The following EHMT1 variants were observed in gnomAD, a reference collection of about 807,000 sequenced individuals.
EHMT1 encodes euchromatic histone lysine methyltransferase 1, also known as histone-lysine N-methyltransferase EHMT1.
Under a neutral mutation model 147.2 loss-of-function variants are expected in EHMT1, and 15 were observed. The observed-to-expected ratio is 0.10, with a 90% CI of 0.07 to 0.16. The LOEUF (loss-of-function observed/expected upper bound fraction) is 0.16. EHMT1 is among the 10% of genes least tolerant of loss of function. The probability of loss-of-function intolerance (pLI) is 1.00; values close to 1 mark genes in which losing one functional copy is unlikely to be tolerated. For missense variants in EHMT1, 1,587 were observed against 1,772.4 expected (o/e 0.90, Z 1.88); for synonymous variants, 795 against 709.6 (o/e 1.12, Z -1.91).
chr9:137,764,599 C>T (rs1265838818), intron 10 of EHMT1: 1 of 152,218 alleles, frequency 6.6e-6, no homozygotes, highest in African/African-American at 2.4e-5. Flanking sequence ...CAAAAATGGA[C>T]CATTGTCTCA....
rs114711182 is a variant in EHMT1, at chr9:137,700,482, G to T, written c.22-10485G>T. On this transcript the variant is annotated intron_variant, in intron 1 of 26. Transcript: ENST00000460843. Reference sequence around the variant, plus strand: ...GACAATATATTAAAGTGGGCATTCGGAAGAAGACAATGTTGTTTTCTAGAA... The same window carrying T: ...GACAATATATTAAAGTGGGCATTCGTAAGAAGACAATGTTGTTTTCTAGAA... 9.7e-3 allele frequency among the ~76,000 whole-genome samples: 1,484 copies of T among 152,308 alleles called. 27 individuals carry two copies. Among genetic ancestry groups the T allele is most frequent in the African/African-American group, 0.034 (1,426 of 41,550 alleles).
chr9:137,777,831 A>G (rs1448108182), intron 12 of EHMT1, 51 bp from the exon 13 acceptor site: 2 of 1,606,866 alleles, frequency 1.2e-6, no homozygotes, highest in East Asian at 2.2e-5. Flanking sequence ...GAGTCGGAAC[A>G]GGCCATGTTT....
intron 22 of EHMT1, chr9:137,814,863 G>A: frequency 2.3e-6 from 1 of 442,194 alleles, no homozygotes; most frequent in African/African-American, 2.0e-5. Flanking sequence ...TGAGGGGTGT[G>A]AAGAGGGAGG....
intron 1 of EHMT1, among the ~76,000 whole-genome samples, chr9:137,668,917 C>T (rs753026643): frequency 1.3e-5 from 2 of 152,142 alleles, no homozygotes; most frequent in African/African-American, 2.4e-5. Flanking sequence ...GACGGAGTCT[C>T]GCTCTGTCCC....
chr9:137,784,103 C>A, intron 15 of EHMT1: 1 of 1,321,304 alleles, frequency 7.6e-7, no homozygotes, highest in Non-Finnish European at 1.1e-6. Context: ...TTATTTCTCA[C>A]AGTTCTGCAG....
intron 1 of EHMT1, among the ~76,000 whole-genome samples, chr9:137,689,623 A>G (rs1367613556): frequency 6.6e-6 from 1 of 152,324 alleles, no homozygotes; most frequent in East Asian, 1.9e-4. Context: ...GATTGGCTTG[A>G]ACCTGGGAGA....
intron 1 of EHMT1, among the ~76,000 whole-genome samples, chr9:137,643,273 C>T (rs1317535389): frequency 2.0e-5 from 3 of 149,922 alleles, no homozygotes; most frequent in Admixed American, 6.7e-5. Flanking sequence ...GTGATGAACT[C>T]TCTACTTTTG....
rs911275333 is a variant in EHMT1, at chr9:137,828,485, G to A, written c.3541-5864G>A. Among the ~76,000 whole-genome samples the A allele has an allele frequency of 6.6e-6, 1 of 151,860 alleles. No homozygotes were observed. The highest frequency in any genetic ancestry group is 2.4e-5 in the African/African-American group (1 of 41,312). On this transcript the variant is annotated intron_variant, in intron 25 of 26. Transcript: ENST00000460843. This position sits in a 1 kb window ranked among gnomAD's most constrained non-coding sequence, Gnocchi z 5.3. ...GAGGCCAAGCAGAGCACAGGGTCTC[G>A]AGACCCCATGACCTCTAGGGTCACG... is the stretch of plus-strand genomic sequence containing the variant.
chr9:137,687,048 G>T (rs1942517157), intron 1 of EHMT1, among the ~76,000 whole-genome samples: 1 of 152,220 alleles, frequency 6.6e-6, no homozygotes, highest in Non-Finnish European at 1.5e-5. Flanking sequence ...TCTTTTGCAT[G>T]TGGTAATCCA....
intron 25 of EHMT1, among the ~76,000 whole-genome samples, chr9:137,822,895 G>GA (rs112878891): frequency 0.018 from 2,263 of 127,974 alleles, 26 homozygotes; most frequent in South Asian, 0.033. Flanking sequence ...ACTTCATCTC[G>GA]AAAAAAAAAA....
intron 1 of EHMT1, among the ~76,000 whole-genome samples, chr9:137,702,976 G>T (rs1017294578): frequency 6.6e-6 from 1 of 152,222 alleles, no homozygotes; most frequent in African/African-American, 2.4e-5. Flanking sequence ...CTAGGTGGAG[G>T]CTCCCAAGCC....
chr9:137,825,690 A>G (rs12350256), intron 25 of EHMT1, among the ~76,000 whole-genome samples: 22,592 of 152,052 alleles, frequency 0.15, 5,480 homozygotes, highest in African/African-American at 0.51. Flanking sequence ...GGTTTTTAAA[A>G]TTAACTCTTT....
chr9:137,685,160 A>G (rs964957060), intron 1 of EHMT1: 2 of 152,168 alleles, frequency 1.3e-5, no homozygotes, highest in Non-Finnish European at 2.9e-5. Context: ...GTACCTTCAC[A>G]GTGTTGCATA....
intron 3 of EHMT1, among the ~76,000 whole-genome samples, chr9:137,723,586 C>T (rs895915202): frequency 1.7e-4 from 25 of 150,332 alleles, no homozygotes; most frequent in African/African-American, 5.1e-4. Context: ...GGCCTGAGCT[C>T]GGGGTGTGTC....
chr9:137,728,200 T>G (rs193160945), intron 3 of EHMT1, 149 bp from the exon 4 acceptor site: 12 of 1,153,458 alleles, frequency 1.0e-5, no homozygotes, highest in East Asian at 2.4e-5. Flanking sequence ...CTGTGCTGTT[T>G]CCGCTTGCAG....
chr9:137,802,934 T>G, intron 18 of EHMT1: 1 of 1,232,458 alleles, frequency 8.1e-7, no homozygotes, highest in Admixed American at 4.2e-5. Flanking sequence ...CCTGAGCTGG[T>G]GGAAGGCTGT....
At chr9:137,694,928 G>A (rs1030346631) in intron 1 of EHMT1, among the ~76,000 whole-genome samples, 3 of 152,208 alleles carry the variant, frequency 2.0e-5, no homozygotes, top group Admixed American at 6.5e-5. Flanking sequence ...TATTAGTGGC[G>A]GTAAGAACGG....
chr9:137,833,601 G>T (rs1158162286), intron 25 of EHMT1, among the ~76,000 whole-genome samples: 2 of 152,200 alleles, frequency 1.3e-5, no homozygotes, highest in East Asian at 3.9e-4. Context: ...GTTAGGTCAG[G>T]CCCACCCACC....
Position 137,677,910 on chromosome 9 carries a change from G to GAA in EHMT1, c.22-33046_22-33045dup, listed in dbSNP as rs527549382. 2.6e-3 allele frequency among the ~76,000 whole-genome samples: 366 copies of GAA among 140,194 alleles called. 2 individuals carry two copies. The highest frequency in any genetic ancestry group is 7.9e-3 in the African/African-American group (305 of 38,766). 92.0% of individuals were successfully genotyped at this position (140,194 alleles called of 152,430 possible). On this transcript the variant is annotated intron_variant, in intron 1 of 26. Transcript: ENST00000460843. Reference sequence around the variant, plus strand: ...CGTCTCGACTAAAAATACAAAAAAAGAAAAAAAAAAAAGCCGGGCGTGGCG... The same window carrying GAA: ...CGTCTCGACTAAAAATACAAAAAAAGAAAAAAAAAAAAAAGCCGGGCGTGGCG...
Sources: gnomAD v4.1 joint callset for allele counts (sites outside exome capture counted in the v4.1 genomes callset) on GRCh38, gnomAD v4.1.1 for gene constraint, Gnocchi (gnomAD v3.1) non-coding constraint, MANE v1.5 for transcripts, NCBI Gene and HGNC (gene_info 2026-07-23, HGNC 2026-07-21) for gene names.